Variants in EXOC1 observed in about 807,000 individuals in gnomAD.
EXOC1 encodes SEC3-like 1.
Under a neutral mutation model 107.7 loss-of-function variants are expected in EXOC1, and 67 were observed. The ratio of observed to expected loss-of-function variants is 0.62; its 90% CI spans 0.51 to 0.76. EXOC1 has a LOEUF of 0.76. Ranked by LOEUF, EXOC1 falls within the 30% of genes least tolerant of loss-of-function variation. The pLI is 0.00. For synonymous variants in EXOC1, 348 were observed against 353.5 expected, an observed-to-expected ratio of 0.98 and a Z score of 0.17; for missense variants, 833 against 1,055.7, an observed-to-expected ratio of 0.79 and a Z score of 2.92.
Position 55,868,396 on chromosome 4 carries a change from A to G in EXOC1, c.476A>G (p.Glu159Gly). ...GGAGGTGATGAAGAAGTAGTAGATG[A>G]ATACCAAGAGTTAAATGCAAGAGAA... ...VTGGDEEVVD[E>G]YQELNAREEQ... Residue 159 changes from glutamate (E) to glycine (G), a missense_variant, in exon 5 of 19, where the codon GAA becomes GGA. Physicochemically the swap from Glu to Gly is moderately conservative, Grantham distance 98 (BLOSUM62 -2). This residue lies in a region of EXOC1 where 617 missense variants were observed against 701.3 expected (regional missense o/e 0.88). Coordinates refer to ENST00000381295, the MANE Select transcript of EXOC1 (RefSeq NM_001024924.2). 1 of 1,613,876 alleles carries G rather than the reference A, an allele frequency of 6.2e-7. No individual in the cohort carries two copies. Among genetic ancestry groups the G allele is most frequent in the South Asian group, 1.1e-5 (1 of 91,076 alleles).
chr4:55,876,802 A>G, intron 8 of EXOC1: 1 of 984,122 alleles, frequency 1.0e-6, no homozygotes, highest in Non-Finnish European at 1.2e-6. Flanking sequence ...ATTTCTGTAT[A>G]ATGGGTCCTT....
chr4:55,894,381 GA>G (rs1724941020), intron 15 of EXOC1, among the ~76,000 whole-genome samples: 1 of 150,840 alleles, frequency 6.6e-6, no homozygotes, highest in African/African-American at 2.4e-5. Flanking sequence ...ATTAGTCAAT[GA>G]CCATTGATTT....
At chr4:55,868,190 A>AT (rs879933235) in intron 4 of EXOC1, 146 bp from the exon 5 acceptor site, 129 of 475,704 alleles carry the variant, frequency 2.7e-4, no homozygotes, top group Non-Finnish European at 3.9e-4. Context: ...ATAAAGTTTG[A>AT]TTTTTTCATA....
chr4:55,856,338 G>C (rs1425524547), intron 1 of EXOC1, among the ~76,000 whole-genome samples: 1 of 152,182 alleles, frequency 6.6e-6, no homozygotes, highest in African/African-American at 2.4e-5. Flanking sequence ...CTGTCTCCAG[G>C]CTAGGTTGGA....
chr4:55,868,209 A>G (rs1165584017), intron 4 of EXOC1, 127 bp from the exon 5 acceptor site: 2 of 556,386 alleles, frequency 3.6e-6, no homozygotes, highest in South Asian at 1.6e-4. Flanking sequence ...TATCATTTGA[A>G]TCATTCTATC....
In EXOC1 at chr4:55,904,626, G is replaced by A; in HGVS notation, c.*131G>A. 2 of 865,474 alleles carry A rather than the reference G, an allele frequency of 2.3e-6. No individual in the cohort carries two copies. Among genetic ancestry groups the A allele is most frequent in the Non-Finnish European group, 3.3e-6 (2 of 608,780 alleles). The allele number at this position is 865,474 out of a possible 1,614,324, so 53.6% of individuals were successfully genotyped here. On this transcript the variant is annotated 3_prime_UTR_variant, in exon 19 of 19. Coordinates refer to ENST00000381295, the MANE Select transcript of EXOC1 (RefSeq NM_001024924.2). ...GTATTATTAAATGTTAGATAAATGG[G>A]TAGTACCATACTACAAATATTTAAA...
intron 2 of EXOC1, among the ~76,000 whole-genome samples, chr4:55,859,512 CTAATTA>C (rs780467282): frequency 1.4e-4 from 21 of 151,978 alleles, no homozygotes; most frequent in Non-Finnish European, 2.6e-4. Flanking sequence ...CTTATTAATT[CTAATTA>C]TATGTAGACT....
Position 55,893,796 on chromosome 4 carries a change from T to G in EXOC1, c.1953+16T>G, listed in dbSNP as rs765115608. 3.1e-6 allele frequency: 5 copies of G among 1,593,180 alleles called. No homozygotes were observed. The African/African-American group carries it at 6.8e-5, about 22-fold the overall frequency. ...CAAATGCATTGTAAGTTTTCTTTTT[T>G]AAAAAAATACCTTAGCATCCTAGTC... is the stretch of plus-strand genomic sequence containing the variant. On this transcript the variant is annotated intron_variant, in intron 15 of 18. Coordinates refer to ENST00000381295, the MANE Select transcript of EXOC1 (RefSeq NM_001024924.2).
At position 55,904,398 on chromosome 4, in the gene EXOC1, G is replaced by A; in HGVS notation, c.2588G>A (p.Gly863Asp). 6.2e-7 allele frequency: 1 copy of A among 1,612,396 alleles called. No homozygotes were observed. The highest frequency in any genetic ancestry group is 8.5e-7 in the Non-Finnish European group (1 of 1,179,578). ...EFIRQYKHFE[G>D]LIARCYPGSG... Reference sequence around the variant, plus strand: ...ATACGCCAGTATAAGCACTTTGAAGGTTTGATAGCTCGCTGTTATCCTGGA... The same window carrying A: ...ATACGCCAGTATAAGCACTTTGAAGATTTGATAGCTCGCTGTTATCCTGGA... Residue 863 changes from glycine (G) to aspartate (D), a missense_variant, in exon 19 of 19, where the codon GGT becomes GAT. This residue lies in a region of EXOC1 where 216 missense variants were observed against 354.4 expected (regional missense o/e 0.61). Transcript: ENST00000381295.
At chr4:55,895,403 C>G (rs980809795) in intron 15 of EXOC1, among the ~76,000 whole-genome samples, 5 of 152,186 alleles carry the variant, frequency 3.3e-5, no homozygotes, top group Non-Finnish European at 5.9e-5. Flanking sequence ...CTAGTACCTG[C>G]AATCTTACCA....
chr4:55,870,955 A>G (rs1485579079), intron 6 of EXOC1, 50 bp downstream of exon 6: 1 of 1,562,646 alleles, frequency 6.4e-7, no homozygotes, highest in Non-Finnish European at 8.7e-7. Context: ...GATGATATAT[A>G]AAACCCATTT....
chr4:55,870,511 A>G (rs1274821379), intron 5 of EXOC1, among the ~76,000 whole-genome samples, 167 bp from the exon 6 acceptor site: 4 of 152,258 alleles, frequency 2.6e-5, no homozygotes, highest in Non-Finnish European at 5.9e-5. Context: ...GGAAGAACAT[A>G]AAGTGATAAA....
chr4:55,871,498 G>A (rs2110336714), intron 7 of EXOC1, among the ~76,000 whole-genome samples: 1 of 152,210 alleles, frequency 6.6e-6, no homozygotes, highest in South Asian at 2.1e-4. Flanking sequence ...GCAGAAAGTA[G>A]GTGCTTTGGT....
chr4:55,881,930 A>G (rs1463274997), intron 9 of EXOC1, among the ~76,000 whole-genome samples: 1 of 152,066 alleles, frequency 6.6e-6, no homozygotes, highest in Non-Finnish European at 1.5e-5. Flanking sequence ...ACTGCTTGCT[A>G]CTCGAAAGCC....
chr4:55,872,439 C>G (rs1722531602), intron 8 of EXOC1, among the ~76,000 whole-genome samples: 1 of 151,826 alleles, frequency 6.6e-6, no homozygotes, highest in African/African-American at 2.4e-5. Context: ...CATATAAATG[C>G]TTTACCTATA....
chr4:55,904,273 C>T, intron 18 of EXOC1, 70 bp from the exon 19 acceptor site: 1 of 1,393,080 alleles, frequency 7.2e-7, no homozygotes, highest in South Asian at 1.7e-5. Context: ...TATGCCTTGG[C>T]ATTATTTCTG....
intron 5 of EXOC1, among the ~76,000 whole-genome samples, chr4:55,869,182 A>G (rs12498449): frequency 0.2 from 30,668 of 151,814 alleles, 3,515 homozygotes; most frequent in East Asian, 0.48. Flanking sequence ...CCTGGCCAAC[A>G]TGGCAAAACC....
rs774794005 is a variant in EXOC1 at position 55,896,884 on chromosome 4, A to G, written c.2121A>G (p.Arg707=). The G allele has an allele frequency of 2.5e-6, 4 of 1,595,154 alleles. No individual in the cohort carries two copies. The Admixed American group carries it at 5.5e-5, about 22-fold the overall frequency. ...ATAAAGCATACACCAAACTTATCAG[A>G]GGAGTATTTGTTAATGGTAAGCTTT... is the stretch of plus-strand genomic sequence containing the variant. ...DLDKAYTKLI[R]GVFVNVEKVA... The change falls in exon 16 of 19, where the codon AGA becomes AGG. Residue 707 remains arginine (R), a synonymous_variant. Transcript: ENST00000381295.
chr4:55,861,659 TA>T, intron 3 of EXOC1, among the ~76,000 whole-genome samples: 1 of 152,326 alleles, frequency 6.6e-6, no homozygotes, highest in South Asian at 2.1e-4. Flanking sequence ...GTTTTATCCC[TA>T]AGGAGCACCC....
Sources: allele counts gnomAD v4.1 joint callset (sites outside exome capture counted in the v4.1 genomes callset), GRCh38; gene constraint gnomAD v4.1.1; regional missense constraint gnomAD v4.1.1; transcripts MANE v1.5; gene names NCBI Gene and HGNC (gene_info 2026-07-23, HGNC 2026-07-21).